Variants in EYS observed in about 807,000 individuals in gnomAD.
EYS encodes EGF-like photoreceptor maintenance factor.
Under a neutral mutation model 282.1 loss-of-function variants are expected in EYS, and 250 were observed. The ratio of observed to expected loss-of-function variants is 0.89; its 90% confidence interval spans 0.80 to 0.98. The LOEUF is 0.98. EYS is among the 50% of genes least tolerant of loss of function. EYS has a pLI of 0.00. For synonymous variants in EYS, 1,355 were observed against 1,282.9 expected (o/e 1.06, Z -1.20); for missense variants, 4,016 against 3,709.0 (o/e 1.08, Z -2.15).
chr6:65,244,323 A>G (rs958854043), intron 12 of EYS, among the ~76,000 whole-genome samples: 6 of 152,174 alleles, frequency 3.9e-5, no homozygotes, highest in Non-Finnish European at 8.8e-5. Context: ...AAGATTGGCT[A>G]GGGGTAACTA....
intron 35 of EYS, among the ~76,000 whole-genome samples, chr6:63,901,776 T>G (rs1159804925): frequency 1.3e-5 from 2 of 151,074 alleles, no homozygotes; most frequent in Non-Finnish European, 3.0e-5. Context: ...AAATTTTGGA[T>G]TTTTTGAACT....
At chr6:64,537,831 G>A (rs145018222) in intron 26 of EYS, among the ~76,000 whole-genome samples, 157 of 152,168 alleles carry the variant, frequency 1.0e-3, no homozygotes, top group African/African-American at 3.7e-3. Context: ...CACCTCTGGG[G>A]TAATATTTTT....
intron 14 of EYS, among the ~76,000 whole-genome samples, chr6:64,970,270 T>G (rs566990849): frequency 6.6e-6 from 1 of 152,294 alleles, no homozygotes; most frequent in East Asian, 1.9e-4. Flanking sequence ...AAGTTAAAAT[T>G]TATCAAAGAC....
intron 26 of EYS, among the ~76,000 whole-genome samples, chr6:64,507,752 T>A (rs1369739245): frequency 7.4e-6 from 1 of 134,870 alleles, no homozygotes; most frequent in Non-Finnish European, 1.7e-5. Context: ...TCCCCACATT[T>A]ATTTAAAAAT....
At chr6:65,214,245 T>C (rs1766255489) in intron 12 of EYS, among the ~76,000 whole-genome samples, 1 of 150,086 alleles carries the variant, frequency 6.7e-6, no homozygotes, top group Non-Finnish European at 1.5e-5. Context: ...GCAGCCAAGT[T>C]GTGAATTTAA....
chr6:64,497,982 C>T (rs777630287), intron 26 of EYS, among the ~76,000 whole-genome samples: 1 of 152,056 alleles, frequency 6.6e-6, no homozygotes, highest in Admixed American at 6.6e-5. Context: ...GAAAACCAAA[C>T]ACACCAAGTT....
intron 31 of EYS, among the ~76,000 whole-genome samples, chr6:64,155,454 G>A (rs1774884530): frequency 6.6e-6 from 1 of 151,826 alleles, no homozygotes; most frequent in South Asian, 2.1e-4. Context: ...CTGATTTTCA[G>A]CACCAGGCTC....
chr6:65,065,654 A>AT (rs1324929425), intron 12 of EYS, among the ~76,000 whole-genome samples: 1 of 152,118 alleles, frequency 6.6e-6, no homozygotes, highest in Non-Finnish European at 1.5e-5. Flanking sequence ...AAGTGCTGGG[A>AT]TTACAGGCGT....
chr6:65,493,358 T>A (rs1002488971), intron 4 of EYS, among the ~76,000 whole-genome samples: 1 of 152,202 alleles, frequency 6.6e-6, no homozygotes, highest in African/African-American at 2.4e-5. Context: ...TAGATATAGC[T>A]CTGCTTTAAC....
Position 65,612,223 on chromosome 6 carries a change from A to C in EYS, c.-333+27555T>G, listed in dbSNP as rs183631341. On this transcript the variant is annotated intron_variant, in intron 2 of 42. Coordinates refer to ENST00000503581, the MANE Select transcript of EYS (RefSeq NM_001142800.2). ...ATATATATGTATATATATGATATAT[A>C]TGTGTATATGTATATATCATATATA... is the stretch of plus-strand genomic sequence containing the variant. Among the ~76,000 whole-genome samples the C allele has an allele frequency of 2.7e-5, 4 of 150,650 alleles. 1 individual carries two copies. The South Asian group carries it at 8.3e-4, about 31-fold the overall frequency.
At chr6:64,268,590 C>A (rs1383360342) in intron 30 of EYS, among the ~76,000 whole-genome samples, 1 of 151,946 alleles carries the variant, frequency 6.6e-6, no homozygotes, top group Non-Finnish European at 1.5e-5. Context: ...GTTATAGCAG[C>A]TAGGGAGATA....
intron 2 of EYS, among the ~76,000 whole-genome samples, chr6:65,628,634 C>A (rs1461117180): frequency 2.6e-5 from 4 of 152,126 alleles, no homozygotes; most frequent in Non-Finnish European, 5.9e-5. Context: ...GAGGAACGAA[C>A]AACTCCAGAC....
intron 29 of EYS, among the ~76,000 whole-genome samples, chr6:64,332,654 T>TACTG (rs905544024): frequency 3.9e-5 from 6 of 152,222 alleles, no homozygotes; most frequent in Non-Finnish European, 5.9e-5. Flanking sequence ...ACCAAGCCAC[T>TACTG]ACTGACAAGG....
At chr6:65,331,835 C>T (rs1769807491) in intron 11 of EYS, 1 of 534,488 alleles carries the variant, frequency 1.9e-6, no homozygotes, top group Non-Finnish European at 2.4e-6. Context: ...ATCAGTAATT[C>T]ATCTTTGTCT....
chr6:64,504,211 T>C (rs114451644), intron 26 of EYS, among the ~76,000 whole-genome samples: 3,618 of 152,292 alleles, frequency 0.024, 141 homozygotes, highest in African/African-American at 0.083. Flanking sequence ...AAATGGTACA[T>C]TCTTGAAATT....
At chr6:65,632,613 G>C (rs1414677694) in intron 2 of EYS, among the ~76,000 whole-genome samples, 1 of 152,134 alleles carries the variant, frequency 6.6e-6, no homozygotes, top group Admixed American at 6.5e-5. Flanking sequence ...CCATTGAAAG[G>C]TCAGCGTTGC....
intron 26 of EYS, among the ~76,000 whole-genome samples, chr6:64,442,226 T>G (rs981349446): frequency 7.9e-5 from 12 of 152,108 alleles, no homozygotes; most frequent in African/African-American, 2.7e-4. Flanking sequence ...CTGGAGGTAT[T>G]TTGCCCCTGC....
intron 21 of EYS, among the ~76,000 whole-genome samples, chr6:64,820,144 A>G (rs879515301): frequency 1.3e-5 from 2 of 152,038 alleles, no homozygotes; most frequent in Admixed American, 1.3e-4. Context: ...ATTAAAAAGA[A>G]TGAATCAGGA....
chr6:63,886,256 T>A (rs1773258206), intron 35 of EYS, among the ~76,000 whole-genome samples: 1 of 152,236 alleles, frequency 6.6e-6, no homozygotes, highest in Non-Finnish European at 1.5e-5. Flanking sequence ...CATTGAATAT[T>A]CTTTTGAGTA....
Sources: gnomAD v4.1 joint callset for allele counts (sites outside exome capture counted in the v4.1 genomes callset) on GRCh38, gnomAD v4.1.1 for gene constraint, MANE v1.5 for transcripts, NCBI Gene and HGNC (gene_info 2026-07-23, HGNC 2026-07-21) for gene names.